GALNT7: variants seen among roughly 807,000 people sequenced by gnomAD.
GALNT7 encodes N-acetylgalactosaminyltransferase 7.
A neutral mutation model predicts 82.1 loss-of-function variants in GALNT7; 60 were observed. The observed-to-expected ratio is 0.73, with a 90% CI of 0.59 to 0.91. The LOEUF (loss-of-function observed/expected upper bound fraction) is 0.91. GALNT7 is among the 40% of genes least tolerant of loss of function. The pLI is 0.00. For missense variants in GALNT7, 660 were observed against 804.2 expected (o/e 0.82, Z 2.17); for synonymous variants, 243 against 275.1 (o/e 0.88, Z 1.15).
intron 1 of GALNT7, among the ~76,000 whole-genome samples, chr4:173,239,842 G>T (rs374023237): frequency 1.3e-5 from 2 of 152,034 alleles, no homozygotes; most frequent in African/African-American, 4.8e-5. Flanking sequence ...CATTGTTATG[G>T]TTCTTTAAAA....
chr4:173,296,738 A>G (rs1736729453), intron 5 of GALNT7, among the ~76,000 whole-genome samples: 1 of 152,176 alleles, frequency 6.6e-6, no homozygotes, highest in Non-Finnish European at 1.5e-5. Flanking sequence ...ATAAGTGAGG[A>G]CAGTTAACTG....
At chr4:173,175,487 A>G (rs779774285) in intron 1 of GALNT7, among the ~76,000 whole-genome samples, 5 of 152,214 alleles carry the variant, frequency 3.3e-5, no homozygotes, top group Admixed American at 6.5e-5. Context: ...CTGATCTTGC[A>G]CTACAGTTTT....
At chr4:173,277,686 T>A (rs1735964986) in intron 2 of GALNT7, among the ~76,000 whole-genome samples, 1 of 152,212 alleles carries the variant, frequency 6.6e-6, no homozygotes, top group Non-Finnish European at 1.5e-5. Context: ...AAGTGTTGTC[T>A]GCAACGATTA....
chr4:173,286,874 C>A (rs1033588138), intron 2 of GALNT7, among the ~76,000 whole-genome samples: 3 of 152,126 alleles, frequency 2.0e-5, no homozygotes, highest in African/African-American at 7.2e-5. Context: ...TAAGACTAGA[C>A]CTAGGTACTT....
chr4:173,271,186 T>C (rs1735708847), intron 2 of GALNT7, among the ~76,000 whole-genome samples: 1 of 152,206 alleles, frequency 6.6e-6, no homozygotes, highest in South Asian at 2.1e-4. Flanking sequence ...ATTGTTGTTC[T>C]GGGGAAAGCT....
chr4:173,321,897 G>T lies in GALNT7; in HGVS notation c.*180G>T, dbSNP rs141053550. ...TTTTACAATAACATTATCATCTGCA[G>T]TTACTGTTTACAAGACTGCTTTTAC... On this transcript the variant is annotated 3_prime_UTR_variant, in exon 12 of 12. Coordinates refer to ENST00000265000, the MANE Select transcript of GALNT7 (RefSeq NM_017423.3). 6,663 of 524,272 alleles carry T rather than the reference G, an allele frequency of 0.013. 74 individuals carry two copies. The highest frequency in any genetic ancestry group is 0.02 in the South Asian group (807 of 39,600). The allele number at this position is 524,272 out of a possible 1,614,324, so 32.5% of individuals were successfully genotyped here. A position where few individuals can be genotyped will look rare whatever the true frequency, so the allele number is the denominator to read the frequency against.
At chr4:173,178,052 T>TGTGTGCGC (rs563102408) in intron 1 of GALNT7, among the ~76,000 whole-genome samples, 50 of 129,514 alleles carry the variant, frequency 3.9e-4, no homozygotes, top group South Asian at 1.8e-3. Context: ...TGTGTGTGTG[T>TGTGTGCGC]GCGCGCACGC....
At position 173,292,958 on chromosome 4, in the gene GALNT7, T is replaced by A. The variant is rs1736595564; in HGVS notation, c.754+684T>A. The stretch of plus-strand genomic sequence containing the variant: ...AGGCACAACATTTTATGTATGTCCA[T>A]TTTGTTTATGTCCATCTTTGTTGTG... On this transcript the variant is annotated intron_variant, in intron 3 of 11. Coordinates refer to ENST00000265000, the MANE Select transcript of GALNT7 (RefSeq NM_017423.3). This position sits in a 1 kb window ranked among gnomAD's most constrained non-coding sequence, Gnocchi z 4.8. 6.6e-6 allele frequency among the ~76,000 whole-genome samples: 1 copy of A among 152,188 alleles called. No individual in the cohort carries two copies. The highest frequency in any genetic ancestry group is 1.5e-5 in the Non-Finnish European group (1 of 68,018).
chr4:173,317,618 T>C lies in GALNT7; in HGVS notation c.1609-16T>C. The C allele has an allele frequency of 4.0e-6, 6 of 1,505,386 alleles. No homozygotes were observed. The highest frequency in any genetic ancestry group is 5.5e-6 in the Non-Finnish European group (6 of 1,081,938). 93.3% of individuals were successfully genotyped at this position (1,505,386 alleles called of 1,614,324 possible). On this transcript the variant is annotated splice_polypyrimidine_tract_variant and intron_variant, in intron 9 of 11. Coordinates refer to ENST00000265000, the MANE Select transcript of GALNT7 (RefSeq NM_017423.3). ...AAACTGTTGCCTGCTTTTTGCGTCT[T>C]TATTCATTTTTTTAGATCAGAGGCT... is the stretch of plus-strand genomic sequence containing the variant.
chr4:173,294,301 A>G (rs1421341018), intron 3 of GALNT7, among the ~76,000 whole-genome samples: 1 of 152,022 alleles, frequency 6.6e-6, no homozygotes, highest in Non-Finnish European at 1.5e-5. Context: ...TTGAAGGGAA[A>G]ATTACTCAGG....
chr4:173,321,490 C>A, intron 11 of GALNT7, 90 bp from the exon 12 acceptor site: 1 of 868,338 alleles, frequency 1.2e-6, no homozygotes, highest in African/African-American at 1.7e-5. Context: ...TTTCCTTAAA[C>A]TGTCTCCTCA....
At chr4:173,289,044 A>G (rs1736440542) in intron 2 of GALNT7, among the ~76,000 whole-genome samples, 1 of 152,088 alleles carries the variant, frequency 6.6e-6, no homozygotes, top group Admixed American at 6.5e-5. Flanking sequence ...GTAGGAAAAG[A>G]CTGGAGGTCC....
At chr4:173,268,246 G>A (rs931107206) in intron 2 of GALNT7, 1 of 153,940 alleles carries the variant, frequency 6.5e-6, no homozygotes, top group African/African-American at 2.4e-5. Context: ...CCTTGTTTTA[G>A]GCATGTATCT....
intron 1 of GALNT7, among the ~76,000 whole-genome samples, chr4:173,188,435 A>G (rs1732521991): frequency 2.0e-5 from 3 of 152,198 alleles, no homozygotes; most frequent in African/African-American, 7.2e-5. Flanking sequence ...TGCATATTGT[A>G]TCACCCCCTC....
chr4:173,211,233 C>G (rs1733275503), intron 1 of GALNT7, among the ~76,000 whole-genome samples: 1 of 152,114 alleles, frequency 6.6e-6, no homozygotes, highest in Non-Finnish European at 1.5e-5. Flanking sequence ...TCAGAATCAC[C>G]TGGAAGCTTT....
At chr4:173,319,988 G>A (rs1487862125) in intron 11 of GALNT7, among the ~76,000 whole-genome samples, 1 of 152,146 alleles carries the variant, frequency 6.6e-6, no homozygotes, top group Non-Finnish European at 1.5e-5. Flanking sequence ...ATGAAAACAT[G>A]TAGAAAATTC....
intron 8 of GALNT7, among the ~76,000 whole-genome samples, chr4:173,307,910 C>T (rs1317371826): frequency 6.6e-6 from 1 of 152,182 alleles, no homozygotes; most frequent in Non-Finnish European, 1.5e-5. Context: ...ATGCATCTCC[C>T]TCTCTGGGGT....
intron 1 of GALNT7, among the ~76,000 whole-genome samples, chr4:173,212,052 C>G (rs1733299451): frequency 6.6e-6 from 1 of 152,164 alleles, no homozygotes; most frequent in Non-Finnish European, 1.5e-5. Flanking sequence ...TGGCTTTCTT[C>G]TCTTTCTTTC....
At chr4:173,220,651 CT>C (rs1733615568) in intron 1 of GALNT7, among the ~76,000 whole-genome samples, 1 of 113,066 alleles carries the variant, frequency 8.8e-6, no homozygotes, top group African/African-American at 3.4e-5. Context: ...TCCCTCCCCC[CT>C]CCCCCCACCC....
Sources: gnomAD v4.1 joint callset for allele counts (sites outside exome capture counted in the v4.1 genomes callset) on GRCh38, gnomAD v4.1.1 for gene constraint, Gnocchi (gnomAD v3.1) non-coding constraint, MANE v1.5 for transcripts, NCBI Gene and HGNC (gene_info 2026-07-23, HGNC 2026-07-21) for gene names.